Variants in CECR2 observed in about 807,000 individuals in gnomAD.
CECR2 encodes the protein CECR2 histone acetyl-lysine reader.
In CECR2, 30 loss-of-function variants were observed where a neutral mutation model predicts 154.5. The observed-to-expected ratio is 0.19, with a 90% CI of 0.15 to 0.26. CECR2 has a LOEUF of 0.26. Among genes scored for constraint, CECR2 ranks in the 10% least tolerant of loss-of-function variants. CECR2 has a pLI of 1.00. For missense variants in CECR2, 1,743 were observed against 1,829.3 expected (o/e 0.95, Z 0.86); for synonymous variants, 725 against 683.7 (o/e 1.06, Z -0.94).
Position 17,542,959 on chromosome 22 carries a change from G to A in CECR2, c.2816G>A (p.Arg939Lys). ...APKPALGNPG[R>K]APENSEAQEP... ...AAGCCTGCCCTGGGCAACCCTGGGA[G>A]GGCACCGGAGAACAGTGAAGCACAA... Residue 939 changes from arginine (R) to lysine (K), a missense_variant, in exon 16 of 19, where the codon AGG (arginine) becomes AAG (lysine). Around this residue, in one of 4 missense-constraint regions of CECR2, gnomAD observed 1,250 missense variants for 1,192.1 expected, o/e 1.05. Coordinates refer to ENST00000262608, the MANE Select transcript of CECR2 (RefSeq NM_001290047.2). 6.2e-7 allele frequency: 1 copy of A among 1,613,238 alleles called. No homozygotes were observed. Among genetic ancestry groups the A allele is most frequent in the Non-Finnish European group, 8.5e-7 (1 of 1,179,478 alleles).
At chr22:17,538,930 T>C (rs1218917293) in intron 12 of CECR2, 63 bp from the exon 13 acceptor site, 8 of 1,558,304 alleles carry the variant, frequency 5.1e-6, no homozygotes, top group Non-Finnish European at 7.0e-6. Flanking sequence ...TCTGTCTCTC[T>C]CTCTCTATGG....
chr22:17,470,293 C>T (rs141583339), intron 1 of CECR2, among the ~76,000 whole-genome samples: 3,135 of 150,416 alleles, frequency 0.021, 45 homozygotes, highest in African/African-American at 0.045. Context: ...AAAAAAATAG[C>T]TGGGCATGGT....
chr22:17,541,692 G>T, intron 14 of CECR2, 147 bp from the exon 15 acceptor site: 1 of 868,612 alleles, frequency 1.2e-6, no homozygotes, highest in Non-Finnish European at 1.7e-6. Context: ...GGGTGAGCAC[G>T]TGTGTTCACA....
At chr22:17,407,379 T>C (rs1326826580) in intron 1 of CECR2, among the ~76,000 whole-genome samples, 1 of 152,178 alleles carries the variant, frequency 6.6e-6, no homozygotes, top group African/African-American at 2.4e-5. Flanking sequence ...GTGGATCACC[T>C]GAGGTCAGGA....
intron 14 of CECR2, among the ~76,000 whole-genome samples, chr22:17,541,278 A>T (rs916443840): frequency 6.6e-6 from 1 of 152,086 alleles, no homozygotes; most frequent in African/African-American, 2.4e-5. Flanking sequence ...ACATGGTGAA[A>T]CCCTGTCTCT....
chr22:17,540,899 T>C, intron 14 of CECR2, 99 bp downstream of exon 14: 15 of 1,241,134 alleles, frequency 1.2e-5, no homozygotes, highest in South Asian at 2.0e-5. Context: ...AATACTTACG[T>C]GTATGTATGG....
intron 1 of CECR2, among the ~76,000 whole-genome samples, chr22:17,433,434 ATTGT>A (rs1180802959): frequency 6.6e-6 from 1 of 152,052 alleles, no homozygotes; most frequent in Non-Finnish European, 1.5e-5. Context: ...CTGTCATCAC[ATTGT>A]TTTTGTCTTC....
chr22:17,540,581 C>T lies in CECR2; in HGVS notation c.1665C>T (p.Thr555=). ...AGRSGGSHVW[T]RSRDPEGSSR... is the part of the protein sequence containing the mutation. ...GAAGTGGTGGGAGCCATGTTTGGAC[C>T]CGCTCCAGGGACCCAGAAGGGTCCA... The change falls in exon 14 of 19, where the codon ACC becomes ACT. Residue 555 remains threonine (T), a synonymous_variant. Transcript: ENST00000262608. 6.2e-7 allele frequency: 1 copy of T among 1,612,870 alleles called. No individual in the cohort carries two copies.
chr22:17,537,018 C>T (rs1011173351), intron 9 of CECR2, 85 bp from the exon 10 acceptor site: 2 of 1,507,468 alleles, frequency 1.3e-6, no homozygotes, highest in African/African-American at 2.8e-5. Context: ...TGGCCTGGTT[C>T]TTCCTTCTCT....
rs574162099 is a variant in CECR2 at position 17,542,836 on chromosome 22, C to T, written c.2693C>T (p.Pro898Leu). 3 of 1,613,798 alleles carry T rather than the reference C, an allele frequency of 1.9e-6. No individual in the cohort carries two copies. Among genetic ancestry groups the T allele is most frequent in the South Asian group, 1.1e-5 (1 of 91,058 alleles). Residue 898 changes from proline to leucine, a missense_variant, in exon 16 of 19, where the codon CCA (proline) becomes CTA (leucine). By Grantham distance (98) the Pro-to-Leu change is moderately conservative (BLOSUM62 -3). Coordinates refer to ENST00000262608, the MANE Select transcript of CECR2 (RefSeq NM_001290047.2). ...CAGCTCTCCTCCCGCGTCTGCCCCC[C>T]AGGTGTGCCTTACCACCCCCACCAG... ...MQQLSSRVCP[P>L]GVPYHPHQPA...
chr22:17,417,826 G>C (rs1316874822), intron 1 of CECR2, among the ~76,000 whole-genome samples: 1 of 151,846 alleles, frequency 6.6e-6, no homozygotes, highest in Non-Finnish European at 1.5e-5. Context: ...TCACCATGTT[G>C]GTCAGGCTGG....
intron 1 of CECR2, among the ~76,000 whole-genome samples, chr22:17,475,460 GTTTTTTCTCCCT>G (rs1402671806): frequency 6.6e-6 from 1 of 152,008 alleles, no homozygotes; most frequent in African/African-American, 2.4e-5. Context: ...TGCTGTTGTT[GTTTTTTCTCCCT>G]TAAAAGAGAC....
intron 1 of CECR2, among the ~76,000 whole-genome samples, chr22:17,444,347 C>T (rs1397500606): frequency 6.6e-6 from 1 of 152,148 alleles, no homozygotes; most frequent in Non-Finnish European, 1.5e-5. Flanking sequence ...ATAGCCTTGG[C>T]CAGGTGCAGT....
chr22:17,491,640 C>T (rs917163139), intron 2 of CECR2, among the ~76,000 whole-genome samples: 1 of 150,250 alleles, frequency 6.7e-6, no homozygotes, highest in East Asian at 2.0e-4. Context: ...AAATTTTATC[C>T]AGAGCTATTC....
chr22:17,484,593 G>GTTTGT (rs1031977492), intron 2 of CECR2, among the ~76,000 whole-genome samples: 12 of 151,828 alleles, frequency 7.9e-5, no homozygotes, highest in Admixed American at 2.0e-4. Context: ...TTGTTTGTTT[G>GTTTGT]TTTGTTTTGT....
intron 8 of CECR2, among the ~76,000 whole-genome samples, chr22:17,512,206 C>A (rs1014584331): frequency 2.0e-5 from 3 of 151,662 alleles, no homozygotes; most frequent in African/African-American, 7.3e-5. Flanking sequence ...TAGAGCTGGG[C>A]AACGGAAGGA....
intron 7 of CECR2, among the ~76,000 whole-genome samples, chr22:17,508,997 T>A (rs1044191297): frequency 6.6e-6 from 1 of 152,202 alleles, no homozygotes; most frequent in East Asian, 1.9e-4. Flanking sequence ...ATGCCTGTAA[T>A]CCCAGCACTT....
At chr22:17,368,030 T>TG (rs1257710483), upstream of CECR2, among the ~76,000 whole-genome samples, 1 of 152,022 alleles carries the variant, frequency 6.6e-6, no homozygotes, top group Non-Finnish European at 1.5e-5. Flanking sequence ...GAGAGAGTGG[T>TG]GGGGGGCGGA....
Position 17,540,614 on chromosome 22 carries a change from A to G in CECR2, c.1698A>G (p.Lys566=). The G allele has an allele frequency of 2.5e-6, 4 of 1,613,804 alleles. No homozygotes were observed. The South Asian group carries it at 4.4e-5, about 18-fold the overall frequency. The change falls in exon 14 of 19, where the codon AAA becomes AAG. Residue 566 remains lysine (K), a synonymous_variant. Transcript: ENST00000262608. ...RSRDPEGSSR[K]QQPMENGGKS... is the part of the protein sequence containing the mutation. ...GGGACCCAGAAGGGTCCAGCAGGAA[A>G]CAGCAGCCCATGGAGAATGGAGGAA... is the stretch of plus-strand genomic sequence containing the variant.
Sources: gnomAD v4.1 joint callset for allele counts (sites outside exome capture counted in the v4.1 genomes callset) on GRCh38, gnomAD v4.1.1 for gene constraint, gnomAD v4.1.1 regional missense constraint, MANE v1.5 for transcripts, NCBI Gene and HGNC (gene_info 2026-07-23, HGNC 2026-07-21) for gene names.